The following APC variants were observed in gnomAD, a reference collection of about 807,000 sequenced individuals.
APC encodes the protein APC regulator of Wnt signaling pathway.
In APC, 72 loss-of-function variants were observed where a neutral mutation model predicts 247.0. That is an observed-to-expected ratio of 0.29 (90% CI 0.24 to 0.35). The LOEUF (loss-of-function observed/expected upper bound fraction) is 0.35. Ranked by LOEUF, APC falls within the 10% of genes least tolerant of loss-of-function variation. The pLI, the probability that APC is intolerant of heterozygous loss-of-function variation, is 1.00. For synonymous variants in APC, 1,254 were observed against 1,162.5 expected, an observed-to-expected ratio of 1.08 and a Z score of -1.60; for missense variants, 3,400 against 3,360.7, an observed-to-expected ratio of 1.01 and a Z score of -0.29.
chr5:112,775,782 G>A, intron 5 of APC, 45 bp downstream of exon 5: 1 of 1,086,770 alleles, frequency 9.2e-7, no homozygotes, highest in Non-Finnish European at 1.4e-6. Context: ...TTAATAACTT[G>A]ATATTTTAAA....
chr5:112,768,335 A>C (rs1257938806), intron 4 of APC, among the ~76,000 whole-genome samples: 1 of 150,788 alleles, frequency 6.6e-6, no homozygotes, highest in Non-Finnish European at 1.5e-5. Context: ...ATGAGGCACT[A>C]CACTTGGCCA....
intron 7 of APC, 100 bp downstream of exon 7, chr5:112,792,629 T>G: frequency 1.2e-6 from 1 of 845,962 alleles, no homozygotes; most frequent in Non-Finnish European, 1.9e-6. Context: ...GAAATATAGA[T>G]GTTCTTTCAG....
At chr5:112,739,395 A>G (rs993707016) in intron 1 of APC, among the ~76,000 whole-genome samples, 20 of 152,354 alleles carry the variant, frequency 1.3e-4, no homozygotes, top group African/African-American at 4.1e-4. Flanking sequence ...TATGTAATAG[A>G]AAGTCTTAAG....
chr5:112,716,154 G>A (rs1751159418), intron 1 of APC, among the ~76,000 whole-genome samples: 1 of 152,056 alleles, frequency 6.6e-6, no homozygotes, highest in African/African-American at 2.4e-5. Flanking sequence ...GTTCTTCGGT[G>A]AAGTTCTTGA....
chr5:112,834,917 CTAAT>C (rs1561567920), intron 14 of APC, 30 bp from the exon 15 acceptor site: 1 of 1,580,146 alleles, frequency 6.3e-7, no homozygotes, highest in Non-Finnish European at 8.7e-7. Context: ...AATTCCAACT[CTAAT>C]TAGATGACCC....
At chr5:112,834,402 C>T (rs1004068468) in intron 14 of APC, among the ~76,000 whole-genome samples, 6 of 151,834 alleles carry the variant, frequency 4.0e-5, no homozygotes, top group Non-Finnish European at 5.9e-5. Flanking sequence ...CCATGAAGCC[C>T]GGCTAATTTT....
chr5:112,752,355 T>C (rs1230441604), intron 1 of APC, among the ~76,000 whole-genome samples: 1 of 152,180 alleles, frequency 6.6e-6, no homozygotes, highest in East Asian at 1.9e-4. Flanking sequence ...AGCCTGAAAT[T>C]TTTTGCTTCC....
Position 112,838,183 on chromosome 5 carries a change from C to T in APC, c.2589C>T (p.Tyr863=), listed in dbSNP as rs1561578229. 1 of 1,614,162 alleles carries T rather than the reference C, an allele frequency of 6.2e-7. No homozygotes were observed. The highest frequency in any genetic ancestry group is 1.7e-5 in the Admixed American group (1 of 60,020). Residue 863 remains tyrosine (Y), a synonymous_variant, in exon 16 of 16, where the codon TAC becomes TAT. Transcript: ENST00000257430. ...ERERGIGLGN[Y]HPATENPGTS... is the part of the protein sequence containing the mutation. ...AACGCGGAATTGGTCTAGGCAACTA[C>T]CATCCAGCAACAGAAAATCCAGGAA... is the stretch of plus-strand genomic sequence containing the variant.
intron 6 of APC, among the ~76,000 whole-genome samples, chr5:112,785,970 A>G (rs1230959867): frequency 6.6e-6 from 1 of 152,266 alleles, no homozygotes; most frequent in African/African-American, 2.4e-5. Flanking sequence ...AACATTTTAA[A>G]TCATTCATTG....
chr5:112,834,303 G>A lies in APC; in HGVS notation c.1744-648G>A, dbSNP rs1764632696. ...GTCAGCCAGGCTAGAATGCAGTGTT[G>A]CAGTCTCGGCTCACTGCGACCTCTG... On this transcript the variant is annotated intron_variant, in intron 14 of 15. Coordinates refer to ENST00000257430, the MANE Select transcript of APC (RefSeq NM_000038.6). Among the ~76,000 whole-genome samples, 9 of 140,300 alleles carry A rather than the reference G, an allele frequency of 6.4e-5. No individual in the cohort carries two copies. In the South Asian group the frequency reaches 2.0e-3, roughly 31 times the overall value. 92.0% of individuals were successfully genotyped at this position (140,300 alleles called of 152,430 possible).
chr5:112,800,218 C>T (rs368088341), intron 7 of APC, among the ~76,000 whole-genome samples: 39 of 152,240 alleles, frequency 2.6e-4, no homozygotes, highest in African/African-American at 7.0e-4. Flanking sequence ...TCTTCACTTA[C>T]GTTAGTGTCA....
At chr5:112,751,321 C>T (rs1754337348) in intron 1 of APC, among the ~76,000 whole-genome samples, 1 of 152,008 alleles carries the variant, frequency 6.6e-6, no homozygotes, top group Non-Finnish European at 1.5e-5. Context: ...GGTTTACTCC[C>T]TGCTCTTCTT....
At chr5:112,813,253 C>A (rs1762160567) in intron 8 of APC, among the ~76,000 whole-genome samples, 1 of 152,084 alleles carries the variant, frequency 6.6e-6, no homozygotes, top group African/African-American at 2.4e-5. Context: ...ATGTAGTTTT[C>A]TCTTTAAAAT....
chr5:112,759,644 C>T (rs997790684), intron 2 of APC, among the ~76,000 whole-genome samples: 4 of 152,002 alleles, frequency 2.6e-5, no homozygotes, highest in East Asian at 1.9e-4. Flanking sequence ...CGTGAGCCAC[C>T]GTGCCCAGCC....
rs1332346517 is a variant in APC, at chr5:112,844,310, G to C, written c.*184G>C. The C allele has an allele frequency of 4.9e-6, 3 of 613,660 alleles. No homozygotes were observed. In the Admixed American group the frequency reaches 9.9e-5, roughly 20 times the overall value. The allele number at this position is 613,660 out of a possible 1,614,324, so 38.0% of individuals were successfully genotyped here. ...TTTGTCTTCACTGGTCTTATTTTGG[G>C]AGGCACTCTTGATGGTTAGGAAAAA... On this transcript the variant is annotated 3_prime_UTR_variant, in exon 16 of 16. Transcript: ENST00000257430.
chr5:112,837,193 A>T (rs1050126077), intron 15 of APC, among the ~76,000 whole-genome samples: 1 of 152,236 alleles, frequency 6.6e-6, no homozygotes, highest in Admixed American at 6.5e-5. Context: ...CATAGATTAA[A>T]TTACCACAAA....
In APC at chr5:112,838,047, A is replaced by C. The variant is rs1554084177; in HGVS notation, c.2453A>C (p.Asn818Thr). ...DNRSDNFNTG[N>T]MTVLSPYLNT... is the part of the protein sequence containing the mutation. ...AGGTCAGACAATTTTAATACTGGCA[A>C]CATGACTGTCCTTTCACCATATTTG... Residue 818 changes from asparagine (N) to threonine (T), a missense_variant, in exon 16 of 16, where the codon AAC becomes ACC. Around this residue, in one of 9 missense-constraint regions of APC, gnomAD observed 715 missense variants for 656.6 expected, o/e 1.09. Transcript: ENST00000257430. 6.2e-7 allele frequency: 1 copy of C among 1,614,214 alleles called. No homozygotes were observed.
At position 112,837,965 on chromosome 5, in the gene APC, C is replaced by G. The variant is rs1060503309; in HGVS notation, c.2371C>G (p.His791Asp). 1 of 1,614,080 alleles carries G rather than the reference C, an allele frequency of 6.2e-7. No individual in the cohort carries two copies. Among genetic ancestry groups the G allele is most frequent in the Non-Finnish European group, 8.5e-7 (1 of 1,180,018 alleles). Residue 791 changes from histidine to aspartate, a missense_variant, in exon 16 of 16, where the codon CAC becomes GAC. This residue lies in a region of APC where 91 missense variants were observed against 103.3 expected (regional missense o/e 0.88). Coordinates refer to ENST00000257430, the MANE Select transcript of APC (RefSeq NM_000038.6). The stretch of plus-strand genomic sequence containing the variant: ...GGCATCTCATCGTAGTAAGCAGAGA[C>G]ACAAGCAAAGTCTCTATGGTGATTA... ...PKASHRSKQR[H>D]KQSLYGDYVF...
intron 4 of APC, among the ~76,000 whole-genome samples, chr5:112,770,817 G>C (rs922264722): frequency 1.3e-5 from 2 of 151,964 alleles, no homozygotes; most frequent in African/African-American, 4.8e-5. Flanking sequence ...TTTTAATTCT[G>C]TACCAATTCT....
Sources: allele counts gnomAD v4.1 joint callset (sites outside exome capture counted in the v4.1 genomes callset), GRCh38; gene constraint gnomAD v4.1.1; regional missense constraint gnomAD v4.1.1; transcripts MANE v1.5; gene names NCBI Gene and HGNC (gene_info 2026-07-23, HGNC 2026-07-21).